SYNJ2: variants seen among roughly 807,000 people sequenced by gnomAD.
The protein encoded by SYNJ2 is synaptojanin 2, also known as polyphosphatidylinositol phosphatase SYNJ2.
Under a neutral mutation model 141.3 loss-of-function variants are expected in SYNJ2, and 116 were observed. The observed-to-expected ratio is 0.82, with a 90% CI of 0.71 to 0.96. The LOEUF (loss-of-function observed/expected upper bound fraction) is 0.96. Ranked by LOEUF, SYNJ2 falls within the 40% of genes least tolerant of loss-of-function variation. SYNJ2 has a pLI of 0.00. For missense variants in SYNJ2, 1,873 were observed against 1,934.8 expected (o/e 0.97, Z 0.60); for synonymous variants, 745 against 777.7 (o/e 0.96, Z 0.70).
At chr6:158,054,919 G>A in intron 5 of SYNJ2, 48 bp from the exon 6 acceptor site, 2 of 1,601,214 alleles carry the variant, frequency 1.2e-6, no homozygotes, top group Non-Finnish European at 8.5e-7. Flanking sequence ...TGGCCTCCTT[G>A]GTTTGCAGAG....
At chr6:158,008,196 C>T (rs1175869087) in intron 1 of SYNJ2, among the ~76,000 whole-genome samples, 1 of 152,218 alleles carries the variant, frequency 6.6e-6, no homozygotes, top group Non-Finnish European at 1.5e-5. Context: ...TGGTCTTGAA[C>T]TCCTGACCTC....
intron 26 of SYNJ2, among the ~76,000 whole-genome samples, chr6:158,093,455 A>C (rs545428998): frequency 0.018 from 2,744 of 152,002 alleles, 36 homozygotes; most frequent in Middle Eastern, 0.031. Flanking sequence ...AAAAACAAAA[A>C]AAAAAAAACA....
At chr6:158,092,121 A>C (rs1783498781) in intron 25 of SYNJ2, among the ~76,000 whole-genome samples, 1 of 152,068 alleles carries the variant, frequency 6.6e-6, no homozygotes, top group South Asian at 2.1e-4. Flanking sequence ...TAAAAAAAAA[A>C]AAACTCTAGA....
chr6:158,053,636 A>G (rs1349388940), intron 5 of SYNJ2, among the ~76,000 whole-genome samples: 3 of 151,144 alleles, frequency 2.0e-5, no homozygotes, highest in East Asian at 2.0e-4. Flanking sequence ...CCATCCACCT[A>G]TCCACCTACT....
At chr6:158,073,786 CATATT>C (rs755502282) in intron 15 of SYNJ2, among the ~76,000 whole-genome samples, 18 of 151,906 alleles carry the variant, frequency 1.2e-4, no homozygotes, top group Non-Finnish European at 1.8e-4. Flanking sequence ...GGAAATGCCT[CATATT>C]ATAGGAGAAG....
intron 15 of SYNJ2, among the ~76,000 whole-genome samples, chr6:158,072,447 G>A (rs960018772): frequency 1.3e-5 from 2 of 152,214 alleles, no homozygotes; most frequent in African/African-American, 2.4e-5. Flanking sequence ...CAGCTTCAGC[G>A]TGTGGTGCAC....
intron 4 of SYNJ2, among the ~76,000 whole-genome samples, chr6:158,037,908 C>T (rs868193462): frequency 2.5e-4 from 38 of 152,376 alleles, no homozygotes; most frequent in Admixed American, 1.4e-3. Context: ...TTTGCTTTCT[C>T]ACTTTTACAG....
At position 157,982,935 on chromosome 6, in the gene SYNJ2, A is replaced by C. The variant is rs934500310; in HGVS notation, c.127+847A>C. ...TCCCTTGTTTTGTGCTAACCATTATAAGGAAAACCTGGGTAGCACCAAAGC... is the reference window on the plus strand; with the variant it reads ...TCCCTTGTTTTGTGCTAACCATTATCAGGAAAACCTGGGTAGCACCAAAGC... On this transcript the variant is annotated intron_variant, in intron 1 of 26. Transcript: ENST00000355585. The surrounding 1 kb of genome is among the most constrained non-coding windows in gnomAD (Gnocchi z 4.0). Among the ~76,000 whole-genome samples, 2 of 152,170 alleles carry C rather than the reference A, an allele frequency of 1.3e-5. No individual in the cohort carries two copies. The highest frequency in any genetic ancestry group is 4.1e-4 in the South Asian group (2 of 4,832).
rs1780035792 is a variant in SYNJ2, at chr6:158,043,081, C to T, written c.712-235C>T. Among the ~76,000 whole-genome samples the T allele has an allele frequency of 6.6e-6, 1 of 152,128 alleles. No individual in the cohort carries two copies. Among genetic ancestry groups the T allele is most frequent in the Admixed American group, 6.5e-5 (1 of 15,282 alleles). ...GAATTCCCGGAGACCCTGGGAGGCC[C>T]CAACCCCCAGCAGACCCCCTCCTCA... On this transcript the variant is annotated intron_variant, in intron 4 of 26. Coordinates refer to ENST00000355585, the MANE Select transcript of SYNJ2 (RefSeq NM_003898.4). The surrounding 1 kb of genome is among the most constrained non-coding windows in gnomAD (Gnocchi z 4.0).
chr6:158,043,509 CCA>C lies in SYNJ2; in HGVS notation c.795+111_795+112del. ...ACACGTTCGTTTCATGGCATAGTTT[CCA>C]GTCTTTTTCCTCAGCCCTGTTGTGT... On this transcript the variant is annotated intron_variant, in intron 5 of 26. Coordinates refer to ENST00000355585, the MANE Select transcript of SYNJ2 (RefSeq NM_003898.4). The surrounding 1 kb of genome is among the most constrained non-coding windows in gnomAD (Gnocchi z 4.0). The C allele has an allele frequency of 1.3e-6, 1 of 775,244 alleles. No homozygotes were observed. The highest frequency in any genetic ancestry group is 2.1e-6 in the Non-Finnish European group (1 of 470,094). The allele number at this position is 775,244 out of a possible 1,614,324, so 48.0% of individuals were successfully genotyped here. A position where few individuals can be genotyped will look rare whatever the true frequency, so the allele number is the denominator to read the frequency against.
At chr6:158,079,724 A>G (rs193149805) in intron 18 of SYNJ2, among the ~76,000 whole-genome samples, 38 of 152,330 alleles carry the variant, frequency 2.5e-4, no homozygotes, top group Non-Finnish European at 4.9e-4. Context: ...CTAGAAGTGA[A>G]TCTTGAGGAA....
chr6:158,077,200 G>T (rs1782358120), intron 17 of SYNJ2, among the ~76,000 whole-genome samples: 1 of 152,044 alleles, frequency 6.6e-6, no homozygotes, highest in Non-Finnish European at 1.5e-5. Flanking sequence ...CTCCATGTTG[G>T]TCAGGCTGGT....
intron 20 of SYNJ2, among the ~76,000 whole-genome samples, chr6:158,082,357 G>A (rs1340603291): frequency 2.6e-5 from 4 of 151,458 alleles, no homozygotes; most frequent in Non-Finnish European, 5.9e-5. Context: ...CATAGTGGCA[G>A]GTGCCTGTAA....
At chr6:158,053,862 A>C (rs1405918323) in intron 5 of SYNJ2, among the ~76,000 whole-genome samples, 1 of 148,722 alleles carries the variant, frequency 6.7e-6, no homozygotes, top group Non-Finnish European at 1.5e-5. Flanking sequence ...TCACCTGTCC[A>C]TCCATCCACC....
chr6:158,074,801 T>C (rs1037837256), intron 16 of SYNJ2, 63 bp downstream of exon 16: 2 of 1,577,460 alleles, frequency 1.3e-6, no homozygotes, highest in Non-Finnish European at 1.7e-6. Flanking sequence ...ATCTGTGAGA[T>C]GTAGAGGCTG....
In SYNJ2 at chr6:158,083,569, C is replaced by T. The variant is rs1269879317; in HGVS notation, c.3006C>T (p.Asp1002=). The change falls in exon 21 of 27, where the codon GAC becomes GAT. Residue 1002 remains aspartate, a synonymous_variant. Transcript: ENST00000355585. The stretch of plus-strand genomic sequence containing the variant: ...CCTGTTTGCTGGAGGAAAACTTTGA[C>T]TTCACAAGTTTGGACTATGAGTCAG... ...ANSCLLEENF[D]FTSLDYESEG... The T allele has an allele frequency of 6.2e-7, 1 of 1,614,064 alleles. No homozygotes were observed. The highest frequency in any genetic ancestry group is 8.5e-7 in the Non-Finnish European group (1 of 1,180,050).
intron 16 of SYNJ2, among the ~76,000 whole-genome samples, 183 bp downstream of exon 16, chr6:158,074,921 T>TC (rs1373588634): frequency 6.1e-5 from 3 of 49,172 alleles, no homozygotes; most frequent in African/African-American, 2.2e-4. Context: ...ACACTTCCTG[T>TC]CCTTTTTTTT....
At chr6:158,087,518 C>A (rs1374771484) in intron 23 of SYNJ2, among the ~76,000 whole-genome samples, 1 of 152,192 alleles carries the variant, frequency 6.6e-6, no homozygotes, top group East Asian at 1.9e-4. Context: ...GCCCGTCCAG[C>A]CCTCCCTGAT....
At chr6:158,063,939 G>A in intron 9 of SYNJ2, 67 bp downstream of exon 9, 5 of 1,544,752 alleles carry the variant, frequency 3.2e-6, no homozygotes, top group Non-Finnish European at 3.6e-6. Flanking sequence ...GGACAGGCTG[G>A]GCTGAGCACC....
Sources: gnomAD v4.1 joint callset for allele counts (sites outside exome capture counted in the v4.1 genomes callset) on GRCh38, gnomAD v4.1.1 for gene constraint, Gnocchi (gnomAD v3.1) non-coding constraint, MANE v1.5 for transcripts, NCBI Gene and HGNC (gene_info 2026-07-23, HGNC 2026-07-21) for gene names.